The following VPS72 variants were observed in gnomAD, a reference collection of about 807,000 sequenced individuals.
The protein encoded by VPS72 is vacuolar protein sorting 72 homolog, also known as vacuolar protein sorting-associated protein 72 homolog.
In VPS72, 27 loss-of-function variants were observed where a neutral mutation model predicts 38.9. The observed-to-expected ratio is 0.69, with a 90% CI of 0.51 to 0.96. The LOEUF (loss-of-function observed/expected upper bound fraction) is 0.96, where lower values mean the gene tolerates loss of function less well. Among genes scored for constraint, VPS72 ranks in the 40% least tolerant of loss-of-function variants. The pLI is 0.00. For synonymous variants in VPS72, 173 were observed against 186.3 expected (o/e 0.93, Z 0.58); for missense variants, 360 against 479.5 (o/e 0.75, Z 2.33).
At chr1:151,179,385 G>C (rs1367967382) in intron 4 of VPS72, among the ~76,000 whole-genome samples, 1 of 151,712 alleles carries the variant, frequency 6.6e-6, no homozygotes, top group African/African-American at 2.4e-5. Context: ...GGATCATGAG[G>C]TCAGGAGATC....
intron 4 of VPS72, 147 bp downstream of exon 4, chr1:151,184,170 A>G: frequency 1.9e-6 from 2 of 1,068,952 alleles, no homozygotes; most frequent in Non-Finnish European, 2.7e-6. Flanking sequence ...AGACTCTTGC[A>G]CCTAATTACC....
chr1:151,176,596 G>C lies in VPS72; in HGVS notation c.*48C>G, dbSNP rs770445896. The C allele has an allele frequency of 6.4e-5, 102 of 1,584,824 alleles. No homozygotes were observed. Among genetic ancestry groups the C allele is most frequent in the Non-Finnish European group, 8.5e-5 (99 of 1,164,868 alleles). ...GCAGGGAGAAGAAACGGAACAGCAA[G>C]AGCCCCAATCAGGGCAGGAAAGAAG... is the stretch of plus-strand genomic sequence containing the variant. On this transcript the variant is annotated 3_prime_UTR_variant, in exon 6 of 6. Transcript: ENST00000368892.
At chr1:151,187,836 C>T (rs1179595117) in intron 1 of VPS72, among the ~76,000 whole-genome samples, 3 of 152,234 alleles carry the variant, frequency 2.0e-5, no homozygotes, top group African/African-American at 7.2e-5. Context: ...GGTACAATTA[C>T]TTCTGATCTG....
chr1:151,176,907 A>C lies in VPS72; in HGVS notation c.832T>G (p.Phe278Val), dbSNP rs765949975. 6.2e-7 allele frequency: 1 copy of C among 1,613,998 alleles called. No individual in the cohort carries two copies. Among genetic ancestry groups the C allele is most frequent in the Non-Finnish European group, 8.5e-7 (1 of 1,179,958 alleles). Residue 278 changes from phenylalanine to valine, a missense_variant, in exon 6 of 6, where the codon TTC (phenylalanine) becomes GTC (valine). By Grantham distance (50) the Phe-to-Val change is conservative. Coordinates refer to ENST00000368892, the MANE Select transcript of VPS72 (RefSeq NM_005997.3). ...ACTTTTGGGGGCCGCCCTTGGGGGA[A>C]CCATTCCTCGAAAGTTGCATCATCA... ...FSDDATFEEWFPQGRPPKVPV... is the reference protein window; with the variant it reads ...FSDDATFEEWVPQGRPPKVPV...
Position 151,179,505 on chromosome 1 carries a change from A to G in VPS72, c.563-1360T>C, listed in dbSNP as rs372971415. 7.9e-4 allele frequency among the ~76,000 whole-genome samples: 121 copies of G among 152,270 alleles called. 1 individual carries two copies. The East Asian group carries it at 0.022, about 28-fold the overall frequency. On this transcript the variant is annotated intron_variant, in intron 4 of 5. Transcript: ENST00000368892. ...TCCCAGCTACTCGGGAGGCTGGGGC[A>G]GGAGAATGGCGTGAACCCAGGAGGC...
At position 151,185,869 on chromosome 1, in the gene VPS72, C is replaced by T. The variant is rs775467288; in HGVS notation, c.199G>A (p.Asp67Asn). The T allele has an allele frequency of 3.1e-6, 5 of 1,614,162 alleles. No homozygotes were observed. Among genetic ancestry groups the T allele is most frequent in the Middle Eastern group, 1.6e-4 (1 of 6,062 alleles). ...GCTTCTCCATCACTGGATGGTTCAT[C>T]CCCTTCATCAATGTCAAAGTCAGAG... ...VDSDFDIDEGDEPSSDGEAEE... is the reference protein window; with the variant it reads ...VDSDFDIDEGNEPSSDGEAEE... The change falls in exon 2 of 6, where the codon GAT becomes AAT. Residue 67 changes from aspartate (D) to asparagine (N), a missense_variant. By Grantham distance (23) the Asp-to-Asn change is conservative. Coordinates refer to ENST00000368892, the MANE Select transcript of VPS72 (RefSeq NM_005997.3).
In VPS72 at chr1:151,184,453, T is replaced by A. The variant is rs1490972115; in HGVS notation, c.426A>T (p.Arg142=). ...TCTCCTGTACCCGAAGGAACGTTTG[T>A]CGTGTATGCTCAGCTGTAGACTGAC... ...SMRQSTAEHT[R]QTFLRVQERQ... is the part of the protein sequence containing the mutation. Residue 142 remains arginine, a synonymous_variant, in exon 4 of 6, where the codon CGA becomes CGT. Coordinates refer to ENST00000368892, the MANE Select transcript of VPS72 (RefSeq NM_005997.3). The A allele has an allele frequency of 1.9e-6, 3 of 1,613,784 alleles. No homozygotes were observed. Among genetic ancestry groups the A allele is most frequent in the Non-Finnish European group, 2.5e-6 (3 of 1,180,050 alleles).
chr1:151,177,269 C>T (rs587669047), intron 5 of VPS72, among the ~76,000 whole-genome samples: 1 of 151,816 alleles, frequency 6.6e-6, no homozygotes, highest in Admixed American at 6.6e-5. Flanking sequence ...CCTGTAATCA[C>T]AGCTACTCAG....
At chr1:151,177,949 A>T in intron 5 of VPS72, 52 bp downstream of exon 5, 1 of 1,585,036 alleles carries the variant, frequency 6.3e-7, no homozygotes, top group Non-Finnish European at 8.6e-7. Context: ...AAATGGGGCC[A>T]AGAGAACATG....
intron 5 of VPS72, among the ~76,000 whole-genome samples, chr1:151,177,387 C>CAAAAAA (rs11350080): frequency 9.7e-6 from 1 of 102,912 alleles, no homozygotes. Flanking sequence ...GACTCCATCT[C>CAAAAAA]AAAAAAAAAA....
At chr1:151,189,940 G>C (rs1684429503) in intron 1 of VPS72, 65 bp downstream of exon 1, 2 of 1,550,334 alleles carry the variant, frequency 1.3e-6, no homozygotes, top group South Asian at 1.1e-5. Context: ...TTCTTTGTCC[G>C]GGGTTTCTCC....
At chr1:151,178,183 ATG>A in intron 4 of VPS72, 38 bp from the exon 5 acceptor site, 1 of 1,606,346 alleles carries the variant, frequency 6.2e-7, no homozygotes, top group African/African-American at 1.3e-5. Flanking sequence ...GATGATCAGA[ATG>A]TCCCTTTTTC....
intron 4 of VPS72, among the ~76,000 whole-genome samples, chr1:151,183,521 G>C (rs898638895): frequency 6.6e-6 from 1 of 151,440 alleles, no homozygotes; most frequent in Non-Finnish European, 1.5e-5. Context: ...GAGTGCAGTG[G>C]TGTGATCTCG....
At position 151,176,466 on chromosome 1, in the gene VPS72, T is replaced by A; in HGVS notation, c.*178A>T. The A allele has an allele frequency of 9.3e-7, 1 of 1,075,036 alleles. No individual in the cohort carries two copies. The highest frequency in any genetic ancestry group is 1.6e-5 in the South Asian group (1 of 60,842). 66.6% of individuals were successfully genotyped at this position (1,075,036 alleles called of 1,614,324 possible). A position where few individuals can be genotyped will look rare whatever the true frequency, so the allele number is the denominator to read the frequency against. On this transcript the variant is annotated 3_prime_UTR_variant, in exon 6 of 6. Transcript: ENST00000368892. The stretch of plus-strand genomic sequence containing the variant: ...TAGACTGGACACCAGACAAAAGGGA[T>A]CTTTCTATTTTATTAGATTAAAAAA...
At chr1:151,179,919 A>G (rs1222156991) in intron 4 of VPS72, among the ~76,000 whole-genome samples, 1 of 152,076 alleles carries the variant, frequency 6.6e-6, no homozygotes, top group Non-Finnish European at 1.5e-5. Context: ...TACGAAAAAA[A>G]ATGAATCAAA....
At chr1:151,177,876 G>A in intron 5 of VPS72, 125 bp downstream of exon 5, 1 of 1,120,386 alleles carries the variant, frequency 8.9e-7, no homozygotes, top group Non-Finnish European at 1.3e-6. Context: ...TTGAGCTGAA[G>A]GGAGTTAGGA....
chr1:151,189,595 G>T (rs1280696680), intron 1 of VPS72, among the ~76,000 whole-genome samples: 1 of 152,102 alleles, frequency 6.6e-6, no homozygotes, highest in African/African-American at 2.4e-5. Context: ...CTTTTGGAGC[G>T]GTTCCTTTCC....
At chr1:151,188,371 T>A (rs922930116) in intron 1 of VPS72, among the ~76,000 whole-genome samples, 1 of 152,188 alleles carries the variant, frequency 6.6e-6, no homozygotes, top group South Asian at 2.1e-4. Context: ...TAATTTCTCT[T>A]GAATCTTTCT....
rs1217225551 is a variant in VPS72 at position 151,190,177 on chromosome 1, A to G, written c.-56T>C. ...AGCCCCTCACCAGCTCGGTTTTGGGAGCTCGACGCTCGACATCACTACCTG... is the reference window on the plus strand; with the variant it reads ...AGCCCCTCACCAGCTCGGTTTTGGGGGCTCGACGCTCGACATCACTACCTG... On this transcript the variant is annotated 5_prime_UTR_variant, in exon 1 of 6. Transcript: ENST00000368892. 6.3e-7 allele frequency: 1 copy of G among 1,587,716 alleles called. No homozygotes were observed. Among genetic ancestry groups the G allele is most frequent in the Non-Finnish European group, 8.6e-7 (1 of 1,164,264 alleles).
Sources: allele counts gnomAD v4.1 joint callset (sites outside exome capture counted in the v4.1 genomes callset), GRCh38; gene constraint gnomAD v4.1.1; transcripts MANE v1.5; gene names NCBI Gene and HGNC (gene_info 2026-07-23, HGNC 2026-07-21).